The following TRPC4 variants were observed in gnomAD, a reference collection of about 807,000 sequenced individuals.
TRPC4 encodes the protein short transient receptor potential channel 4.
TRPC4 carries 49 observed loss-of-function variants against 99.4 expected under a neutral mutation model. That is an observed-to-expected ratio of 0.49 (90% CI 0.39 to 0.63). TRPC4 has a LOEUF of 0.63. Among genes scored for constraint, TRPC4 ranks in the 20% least tolerant of loss-of-function variants. TRPC4 has a pLI of 0.00. For missense variants in TRPC4, 898 were observed against 1,152.9 expected (o/e 0.78, Z 3.20); for synonymous variants, 454 against 425.9 (o/e 1.07, Z -0.81).
chr13:37,702,366 ACTCATT>A (rs1384918681), intron 3 of TRPC4, among the ~76,000 whole-genome samples: 1 of 152,156 alleles, frequency 6.6e-6, no homozygotes, highest in African/African-American at 2.4e-5. Flanking sequence ...ATCCATAGTT[ACTCATT>A]TTCTAGTAGT....
Position 37,637,631 on chromosome 13 carries a change from T to C in TRPC4, c.2212-6A>G, listed in dbSNP as rs758030354. 2.6e-6 allele frequency: 4 copies of C among 1,556,986 alleles called. No homozygotes were observed. On this transcript the variant is annotated splice_region_variant and splice_polypyrimidine_tract_variant and intron_variant, in intron 10 of 10. Coordinates refer to ENST00000379705, the MANE Select transcript of TRPC4 (RefSeq NM_016179.4). Reference sequence around the variant, plus strand: ...GAAATGTCTTGCTTTAGTTCCTACGTAGAATTTAAAATGAAAAATTCGGTT... The same window carrying C: ...GAAATGTCTTGCTTTAGTTCCTACGCAGAATTTAAAATGAAAAATTCGGTT...
intron 1 of TRPC4, among the ~76,000 whole-genome samples, chr13:37,831,760 T>C (rs1448047853): frequency 6.6e-6 from 1 of 152,228 alleles, no homozygotes; most frequent in Non-Finnish European, 1.5e-5. Flanking sequence ...AAGGACATTA[T>C]GCTAAATGAA....
At chr13:37,686,225 C>T (rs1222358774) in intron 4 of TRPC4, among the ~76,000 whole-genome samples, 1 of 151,560 alleles carries the variant, frequency 6.6e-6, no homozygotes, top group African/African-American at 2.4e-5. Context: ...TGACTTTAGA[C>T]AAAAGATGAA....
At chr13:37,642,714 G>A (rs1348724707) in intron 8 of TRPC4, among the ~76,000 whole-genome samples, 1 of 148,440 alleles carries the variant, frequency 6.7e-6, no homozygotes, top group Admixed American at 6.8e-5. Context: ...TCCTGGATAT[G>A]GAAATATGAT....
intron 4 of TRPC4, among the ~76,000 whole-genome samples, chr13:37,691,671 A>G (rs373809504): frequency 1.3e-5 from 2 of 152,350 alleles, no homozygotes; most frequent in East Asian, 1.9e-4. Flanking sequence ...TATTAGGAAT[A>G]TTAGAATGAT....
chr13:37,768,663 A>AACACAC (rs375944847), intron 2 of TRPC4, among the ~76,000 whole-genome samples: 2,902 of 142,744 alleles, frequency 0.02, 43 homozygotes, highest in Non-Finnish European at 0.024. Context: ...CACACATACG[A>AACACAC]ACACACACGC....
intron 3 of TRPC4, among the ~76,000 whole-genome samples, chr13:37,726,150 C>G (rs974883445): frequency 6.6e-5 from 10 of 151,496 alleles, no homozygotes; most frequent in Admixed American, 6.6e-4. Context: ...GAGCCGAGAT[C>G]GTACCACTGC....
chr13:37,676,499 A>G (rs1193544376), intron 4 of TRPC4, among the ~76,000 whole-genome samples: 1 of 151,764 alleles, frequency 6.6e-6, no homozygotes, highest in Admixed American at 6.6e-5. Flanking sequence ...CAGCCTCCCT[A>G]GTAGCTGGGA....
chr13:37,692,288 G>C lies in TRPC4; in HGVS notation c.945C>G (p.Tyr315Ter). The C allele has an allele frequency of 6.2e-7, 1 of 1,614,074 alleles. No homozygotes were observed. The highest frequency in any genetic ancestry group is 8.5e-7 in the Non-Finnish European group (1 of 1,179,992). ...NCQQLLASRWYDEFPGWRRRH... is the reference protein window; with the variant it reads ...NCQQLLASRW Reference sequence around the variant, plus strand: ...TTCTCCTCCAGCCTGGAAACTCATCGTACCAGCGAGATGCCAGCAGCTGTT... The same window carrying C: ...TTCTCCTCCAGCCTGGAAACTCATCCTACCAGCGAGATGCCAGCAGCTGTT... The change falls in exon 4 of 11, where the codon TAC becomes TAG. Residue 315 changes from tyrosine to a stop codon, truncating the protein, a stop_gained. Transcript: ENST00000379705. LOFTEE classifies it high-confidence loss of function.
chr13:37,758,468 T>A (rs1219163844), intron 2 of TRPC4, among the ~76,000 whole-genome samples: 3 of 151,756 alleles, frequency 2.0e-5, no homozygotes, highest in Non-Finnish European at 4.4e-5. Context: ...GAGTGAAAAC[T>A]TTTTTCATTA....
At chr13:37,679,639 T>C (rs571955493) in intron 4 of TRPC4, among the ~76,000 whole-genome samples, 1 of 152,324 alleles carries the variant, frequency 6.6e-6, no homozygotes, top group East Asian at 1.9e-4. Context: ...AAATTAATTA[T>C]AGTGTATTTT....
intron 2 of TRPC4, among the ~76,000 whole-genome samples, chr13:37,754,298 T>C (rs1282166173): frequency 7.2e-5 from 11 of 152,126 alleles, no homozygotes; most frequent in Admixed American, 7.2e-4. Context: ...AAGAGGACAT[T>C]TTCCTAACAC....
intron 2 of TRPC4, among the ~76,000 whole-genome samples, chr13:37,758,947 T>C (rs896096254): frequency 3.3e-5 from 5 of 151,794 alleles, no homozygotes; most frequent in Non-Finnish European, 5.9e-5. Flanking sequence ...TTTAGTACCA[T>C]TTCATTAGAA....
intron 2 of TRPC4, among the ~76,000 whole-genome samples, chr13:37,767,117 T>C (rs983382271): frequency 2.6e-5 from 4 of 151,354 alleles, no homozygotes; most frequent in Non-Finnish European, 5.9e-5. Context: ...AACATATCTA[T>C]ATTTATGTTT....
chr13:37,806,496 T>C (rs1031667790), intron 1 of TRPC4, among the ~76,000 whole-genome samples: 2 of 152,056 alleles, frequency 1.3e-5, no homozygotes, highest in African/African-American at 4.8e-5. Flanking sequence ...AAGGACCTTT[T>C]AGCATCTCAC....
At chr13:37,749,195 G>C (rs997264033) in intron 2 of TRPC4, among the ~76,000 whole-genome samples, 1 of 152,002 alleles carries the variant, frequency 6.6e-6, no homozygotes, top group African/African-American at 2.4e-5. Flanking sequence ...TAAGTTTCTT[G>C]AGGGCTCCCC....
rs1957816159 is a variant in TRPC4 at position 37,815,238 on chromosome 13, C to T, written c.-27-31878G>A. Among the ~76,000 whole-genome samples, 4 of 151,814 alleles carry T rather than the reference C, an allele frequency of 2.6e-5. No homozygotes were observed. The South Asian group carries it at 6.2e-4, about 24-fold the overall frequency. The stretch of plus-strand genomic sequence containing the variant: ...ACTATACATAATAACTAGCTAATGA[C>T]ACACTGATACAATCAAACCTGCACA... On this transcript the variant is annotated intron_variant, in intron 1 of 10. Coordinates refer to ENST00000379705, the MANE Select transcript of TRPC4 (RefSeq NM_016179.4).
intron 8 of TRPC4, among the ~76,000 whole-genome samples, chr13:37,648,901 G>A (rs1201898774): frequency 6.6e-6 from 1 of 152,088 alleles, no homozygotes; most frequent in Non-Finnish European, 1.5e-5. Flanking sequence ...ATCAGAGCAG[G>A]ACCCTGTGTT....
At chr13:37,793,392 C>T (rs7981862) in intron 1 of TRPC4, among the ~76,000 whole-genome samples, 90,087 of 150,900 alleles carry the variant, frequency 0.6, 27,241 homozygotes, top group Admixed American at 0.7. Context: ...CCTATTAACT[C>T]GTCATTTAAC....
Sources: gnomAD v4.1 joint callset for allele counts (sites outside exome capture counted in the v4.1 genomes callset) on GRCh38, gnomAD v4.1.1 for gene constraint, MANE v1.5 for transcripts, NCBI Gene and HGNC (gene_info 2026-07-23, HGNC 2026-07-21) for gene names.